GALNT5: variants seen among roughly 807,000 people sequenced by gnomAD.
GALNT5 encodes the protein polypeptide N-acetylgalactosaminyltransferase 5.
GALNT5 carries 72 observed loss-of-function variants against 85.4 expected under a neutral mutation model. The observed-to-expected ratio is 0.84, with a 90% CI of 0.70 to 1.03. The LOEUF (loss-of-function observed/expected upper bound fraction) is 1.03, where lower values mean the gene tolerates loss of function less well. GALNT5 is among the 50% of genes least tolerant of loss of function. The pLI, the probability that GALNT5 is intolerant of heterozygous loss-of-function variation, is 0.00. For missense variants in GALNT5, 1,137 were observed against 1,135.5 expected, an observed-to-expected ratio of 1.00 and a Z score of -0.02; for synonymous variants, 404 against 397.0, an observed-to-expected ratio of 1.02 and a Z score of -0.21.
At chr2:157,273,323 T>C (rs1458919253) in intron 1 of GALNT5, among the ~76,000 whole-genome samples, 1 of 152,216 alleles carries the variant, frequency 6.6e-6, no homozygotes, top group Non-Finnish European at 1.5e-5. Context: ...TTGGTAATTA[T>C]GCAACCAAAT....
At chr2:157,284,800 T>A (rs1165708095) in intron 2 of GALNT5, among the ~76,000 whole-genome samples, 1 of 152,212 alleles carries the variant, frequency 6.6e-6, no homozygotes, top group Non-Finnish European at 1.5e-5. Flanking sequence ...CCTTGCCTAC[T>A]GGTAATAACT....
At chr2:157,260,611 C>A (rs1325782781) in intron 1 of GALNT5, among the ~76,000 whole-genome samples, 3 of 152,204 alleles carry the variant, frequency 2.0e-5, no homozygotes, top group Admixed American at 6.5e-5. Context: ...AAGATTGAGA[C>A]TTAGCACATG....
Position 157,284,375 on chromosome 2 carries a change from T to C in GALNT5, c.1548T>C (p.Val516=), listed in dbSNP as rs1682925569. 1 of 1,613,788 alleles carries C rather than the reference T, an allele frequency of 6.2e-7. No individual in the cohort carries two copies. The highest frequency in any genetic ancestry group is 1.1e-5 in the South Asian group (1 of 91,080). The change falls in exon 2 of 10, where the codon GTT becomes GTC. Residue 516 remains valine, a synonymous_variant. Transcript: ENST00000259056. ...DEVWSTLLRS[V]HSVINRSPPH... ...TGTGGTCCACTCTCCTGAGATCTGTTCACAGTGTCATCAATCGCTCTCCTC... is the reference window on the plus strand; with the variant it reads ...TGTGGTCCACTCTCCTGAGATCTGTCCACAGTGTCATCAATCGCTCTCCTC...
Position 157,307,733 on chromosome 2 carries a change from G to A in GALNT5, c.2521-834G>A, listed in dbSNP as rs560366304. Among the ~76,000 whole-genome samples, 132 of 152,222 alleles carry A rather than the reference G, an allele frequency of 8.7e-4. 1 individual carries two copies. Among genetic ancestry groups the A allele is most frequent in the African/African-American group, 3.1e-3 (129 of 41,538 alleles). ...CACTTACAATACAAATGATTCATTA[G>A]GTAAAGGCATTTAGATAGATTTTAC... On this transcript the variant is annotated intron_variant, in intron 8 of 9. Transcript: ENST00000259056.
At position 157,259,429 on chromosome 2, in the gene GALNT5, T is replaced by G. The variant is rs775087782; in HGVS notation, c.1347T>G (p.His449Gln). The change falls in exon 1 of 10, where the codon CAT becomes CAG. Residue 449 changes from histidine (H) to glutamine (Q), a missense_variant. By Grantham distance (24) the His-to-Gln change is conservative. Transcript: ENST00000259056. ...GQFGRPVVVP[H>Q]GKEKEAERRW... ...TTGGGCGTCCTGTAGTTGTCCCCCA[T>G]GGAAAGGAGAAGGAGGCAGAAAGAA... 1.4e-6 allele frequency: 2 copies of G among 1,473,362 alleles called. No individual in the cohort carries two copies. Among genetic ancestry groups the G allele is most frequent in the East Asian group, 4.7e-5 (2 of 42,236 alleles). The allele number at this position is 1,473,362 out of a possible 1,614,324, so 91.3% of individuals were successfully genotyped here. A position where few individuals can be genotyped will look rare whatever the true frequency, so the allele number is the denominator to read the frequency against.
intron 1 of GALNT5, among the ~76,000 whole-genome samples, chr2:157,262,325 G>T (rs1168800315): frequency 1.3e-5 from 2 of 151,966 alleles, no homozygotes; most frequent in African/African-American, 4.8e-5. Context: ...GAGCTGATGT[G>T]CTAGGGTGAG....
chr2:157,274,145 G>A (rs957297167), intron 1 of GALNT5, among the ~76,000 whole-genome samples: 5 of 152,070 alleles, frequency 3.3e-5, no homozygotes, highest in Non-Finnish European at 7.4e-5. Context: ...ACCTACAAAG[G>A]ACATGAACTC....
intron 4 of GALNT5, among the ~76,000 whole-genome samples, chr2:157,296,098 T>G (rs983094703): frequency 6.6e-6 from 1 of 152,150 alleles, no homozygotes; most frequent in Non-Finnish European, 1.5e-5. Flanking sequence ...TCAAATTTAG[T>G]TCTTATTTCT....
chr2:157,311,011 G>A (rs1683556571), intron 9 of GALNT5, among the ~76,000 whole-genome samples, 197 bp from the exon 10 acceptor site: 1 of 152,108 alleles, frequency 6.6e-6, no homozygotes, highest in Non-Finnish European at 1.5e-5. Flanking sequence ...CTTGGTGGAG[G>A]ATGATTACTT....
At position 157,258,959 on chromosome 2, in the gene GALNT5, A is replaced by G; in HGVS notation, c.877A>G (p.Ile293Val). The G allele has an allele frequency of 6.6e-7, 1 of 1,516,958 alleles. No individual in the cohort carries two copies. Among genetic ancestry groups the G allele is most frequent in the Non-Finnish European group, 8.8e-7 (1 of 1,134,454 alleles). 94.0% of individuals were successfully genotyped at this position (1,516,958 alleles called of 1,614,324 possible). A position where few individuals can be genotyped will look rare whatever the true frequency, so the allele number is the denominator to read the frequency against. The change falls in exon 1 of 10, where the codon ATT becomes GTT. Residue 293 changes from isoleucine to valine, a missense_variant. Ile to Val is a conservative substitution (Grantham distance 29, BLOSUM62 3). Coordinates refer to ENST00000259056, the MANE Select transcript of GALNT5 (RefSeq NM_014568.3). The stretch of plus-strand genomic sequence containing the variant: ...TTCAAATCGCTTAAGGAAGCAATCT[A>G]TTAATGAGACACCTTTGGGAAGTTT... The part of the protein sequence containing the change: ...VNSNRLRKQS[I>V]NETPLGSLSK...
At chr2:157,290,252 C>T (rs1295730264) in intron 3 of GALNT5, among the ~76,000 whole-genome samples, 5 of 151,930 alleles carry the variant, frequency 3.3e-5, no homozygotes, top group Non-Finnish European at 5.9e-5. Context: ...ATTGCTATCA[C>T]CCTGTAGACA....
At chr2:157,260,292 A>G (rs1487360283) in intron 1 of GALNT5, among the ~76,000 whole-genome samples, 1 of 152,260 alleles carries the variant, frequency 6.6e-6, no homozygotes, top group Non-Finnish European at 1.5e-5. Context: ...GGCAGTCATT[A>G]TGGTTCAAAT....
intron 1 of GALNT5, among the ~76,000 whole-genome samples, chr2:157,263,565 C>T (rs1300492090): frequency 6.6e-6 from 1 of 152,144 alleles, no homozygotes; most frequent in Non-Finnish European, 1.5e-5. Context: ...GTTTTTCCTT[C>T]CTAGTGAAAT....
At position 157,314,439 on chromosome 2, in the gene GALNT5, A is replaced by T. The variant is rs556314226; in HGVS notation, c.*3091A>T. Among the ~76,000 whole-genome samples the T allele has an allele frequency of 6.6e-6, 1 of 152,244 alleles. No homozygotes were observed. Among genetic ancestry groups the T allele is most frequent in the South Asian group, 2.1e-4 (1 of 4,806 alleles). On this transcript the variant is annotated 3_prime_UTR_variant, in exon 10 of 10. Coordinates refer to ENST00000259056, the MANE Select transcript of GALNT5 (RefSeq NM_014568.3). ...CAATCTTGTTCTATCACCAGCATCA[A>T]ATTTGCTTAATACTGCTTGTTGACA...
intron 3 of GALNT5, among the ~76,000 whole-genome samples, chr2:157,294,073 G>T (rs553987003): frequency 6.6e-6 from 1 of 152,322 alleles, no homozygotes; most frequent in South Asian, 2.1e-4. Flanking sequence ...ACAGAGACTG[G>T]CATAGAACAA....
chr2:157,264,814 A>G (rs1415076295), intron 1 of GALNT5, among the ~76,000 whole-genome samples: 1 of 152,146 alleles, frequency 6.6e-6, no homozygotes, highest in African/African-American at 2.4e-5. Flanking sequence ...CCAAACTTTG[A>G]GCTTCTAAAA....
rs1041453026 is a variant in GALNT5, at chr2:157,261,116, C to G, written c.1454+1580C>G. Among the ~76,000 whole-genome samples, 34 of 152,198 alleles carry G rather than the reference C, an allele frequency of 2.2e-4. 1 individual carries two copies. The highest frequency in any genetic ancestry group is 5.9e-5 in the Non-Finnish European group (4 of 68,034). On this transcript the variant is annotated intron_variant, in intron 1 of 9. Coordinates refer to ENST00000259056, the MANE Select transcript of GALNT5 (RefSeq NM_014568.3). ...AAGTCCTGTGTATCACAGGATTACA[C>G]ATGCCAGCTTTGAACACAAAGTGCA...
At chr2:157,265,549 A>G (rs1682439057) in intron 1 of GALNT5, among the ~76,000 whole-genome samples, 1 of 152,226 alleles carries the variant, frequency 6.6e-6, no homozygotes, top group South Asian at 2.1e-4. Flanking sequence ...AGTAGTTAGT[A>G]TATGCAGGAA....
At chr2:157,275,095 C>A (rs1322259200) in intron 1 of GALNT5, among the ~76,000 whole-genome samples, 1 of 152,148 alleles carries the variant, frequency 6.6e-6, no homozygotes, top group African/African-American at 2.4e-5. Context: ...GGTCCTTTCT[C>A]CATTTCTTGT....
Sources: allele counts gnomAD v4.1 joint callset (sites outside exome capture counted in the v4.1 genomes callset), GRCh38; gene constraint gnomAD v4.1.1; transcripts MANE v1.5; gene names NCBI Gene and HGNC (gene_info 2026-07-23, HGNC 2026-07-21).